Variants in LARGE1 observed in about 807,000 individuals in gnomAD.
The protein encoded by LARGE1 is LARGE xylosyl- and glucuronyltransferase 1, also known as xylosyl- and glucuronyltransferase LARGE1.
A neutral mutation model predicts 87.6 loss-of-function variants in LARGE1; 43 were observed. The observed-to-expected ratio is 0.49, with a 90% CI of 0.38 to 0.63. The LOEUF is 0.63. LARGE1 is among the 30% of genes least tolerant of loss of function. The pLI is 0.00. For missense variants in LARGE1, 802 were observed against 1,000.2 expected, an observed-to-expected ratio of 0.80 and a Z score of 2.67; for synonymous variants, 434 against 394.6, an observed-to-expected ratio of 1.10 and a Z score of -1.18.
At chr22:33,764,647 A>G (rs142076109) in intron 1 of LARGE1, among the ~76,000 whole-genome samples, 3,733 of 152,240 alleles carry the variant, frequency 0.025, 158 homozygotes, top group African/African-American at 0.084. Flanking sequence ...AATCCCAGCT[A>G]CTTGGGAGTC....
At chr22:33,172,667 A>G (rs1384573968) in intron 11 of LARGE1, among the ~76,000 whole-genome samples, 4 of 152,206 alleles carry the variant, frequency 2.6e-5, no homozygotes, top group Non-Finnish European at 4.4e-5. Flanking sequence ...GCTAAGTATC[A>G]TGTGATAAGA....
At chr22:33,430,348 A>G (rs1427776503) in intron 7 of LARGE1, among the ~76,000 whole-genome samples, 1 of 152,138 alleles carries the variant, frequency 6.6e-6, no homozygotes, top group Admixed American at 6.5e-5. Context: ...CTTACCCATT[A>G]TTGAAAAGAG....
chr22:33,162,953 T>C (rs923215816), exon 12 of LARGE1: 1 of 152,204 alleles, frequency 6.6e-6, no homozygotes, highest in African/African-American at 2.4e-5. Context: ...AAATTTCCTT[T>C]AGTGTTTGCT....
intron 1 of LARGE1, among the ~76,000 whole-genome samples, chr22:33,869,151 C>G (rs1014407072): frequency 2.0e-5 from 3 of 152,172 alleles, no homozygotes; most frequent in African/African-American, 4.8e-5. Flanking sequence ...TTCTGGCCCT[C>G]TCTTACCCTT....
At chr22:33,777,438 G>T (rs2085275910) in intron 1 of LARGE1, among the ~76,000 whole-genome samples, 1 of 152,098 alleles carries the variant, frequency 6.6e-6, no homozygotes, top group East Asian at 1.9e-4. Context: ...AGGAGTTCAA[G>T]ACCAGCCTGG....
At chr22:33,678,314 C>T (rs1292494933) in intron 2 of LARGE1, among the ~76,000 whole-genome samples, 3 of 152,160 alleles carry the variant, frequency 2.0e-5, no homozygotes, top group Non-Finnish European at 4.4e-5. Flanking sequence ...AACAATACCT[C>T]GAGCTGGGCC....
At chr22:33,610,784 C>T (rs1465178473) in intron 4 of LARGE1, among the ~76,000 whole-genome samples, 1 of 152,086 alleles carries the variant, frequency 6.6e-6, no homozygotes, top group Non-Finnish European at 1.5e-5. Flanking sequence ...CATTACAGGC[C>T]CAGAGGCCTA....
chr22:33,415,968 C>T (rs935671396), intron 7 of LARGE1, among the ~76,000 whole-genome samples: 1 of 152,318 alleles, frequency 6.6e-6, no homozygotes, highest in East Asian at 1.9e-4. Flanking sequence ...TGACAGGAGC[C>T]TCTTGTCCCA....
chr22:33,908,509 T>G, intron 1 of LARGE1, among the ~76,000 whole-genome samples: 1 of 131,744 alleles, frequency 7.6e-6, no homozygotes, highest in Non-Finnish European at 1.6e-5. Context: ...AAGAAGAAAA[T>G]GATTAAGTTA....
At chr22:33,511,143 T>C (rs1353430047) in intron 6 of LARGE1, among the ~76,000 whole-genome samples, 1 of 152,176 alleles carries the variant, frequency 6.6e-6, no homozygotes, top group Non-Finnish European at 1.5e-5. Flanking sequence ...TTTGGACAGA[T>C]GTTTCCACAT....
chr22:33,400,607 G>A (rs374845834), intron 7 of LARGE1, among the ~76,000 whole-genome samples: 22 of 152,358 alleles, frequency 1.4e-4, no homozygotes, highest in Middle Eastern at 3.4e-3. Flanking sequence ...CCAGAAGGGA[G>A]AGATGGCGTG....
At chr22:33,576,094 C>T (rs2078343667) in intron 5 of LARGE1, among the ~76,000 whole-genome samples, 1 of 152,166 alleles carries the variant, frequency 6.6e-6, no homozygotes. Flanking sequence ...GCATTAGCTG[C>T]TGCGTAGCCT....
chr22:33,325,637 T>G (rs117647878), intron 10 of LARGE1, among the ~76,000 whole-genome samples: 1 of 152,104 alleles, frequency 6.6e-6, no homozygotes, highest in Non-Finnish European at 1.5e-5. Flanking sequence ...TGAATGCTTG[T>G]AGCCTGTAAG....
chr22:33,080,669 A>G, the LARGE1 span, among the ~76,000 whole-genome samples: 1 of 152,210 alleles, frequency 6.6e-6, no homozygotes, highest in African/African-American at 2.4e-5. Context: ...AATTATTAGC[A>G]GCATTTTGCA....
chr22:33,827,509 T>C (rs1410141356), intron 1 of LARGE1, among the ~76,000 whole-genome samples: 1 of 152,086 alleles, frequency 6.6e-6, no homozygotes, highest in African/African-American at 2.4e-5. Context: ...TAATGTACAT[T>C]TAAAAAGCAA....
the LARGE1 span, among the ~76,000 whole-genome samples, chr22:33,079,030 G>A: frequency 6.6e-6 from 1 of 152,152 alleles, no homozygotes; most frequent in African/African-American, 2.4e-5. Context: ...GCCTGGGCTT[G>A]AACCTGGCTC....
chr22:33,411,787 AT>A (rs1173487325), intron 7 of LARGE1, among the ~76,000 whole-genome samples: 2 of 152,252 alleles, frequency 1.3e-5, no homozygotes, highest in Admixed American at 1.3e-4. Flanking sequence ...CCTCCATCAA[AT>A]GGCAAAACTA....
At chr22:33,144,603 A>T in the LARGE1 span, among the ~76,000 whole-genome samples, 2 of 152,184 alleles carry the variant, frequency 1.3e-5, no homozygotes, top group Admixed American at 6.5e-5. Context: ...AGTGAGAATG[A>T]TGCAACCATA....
At chr22:33,837,371 C>T (rs536223143) in intron 1 of LARGE1, among the ~76,000 whole-genome samples, 2 of 151,710 alleles carry the variant, frequency 1.3e-5, no homozygotes, top group East Asian at 1.9e-4. Flanking sequence ...TTTATATATA[C>T]ATGTGTGTAT....
Sources: gnomAD v4.1 joint callset for allele counts (sites outside exome capture counted in the v4.1 genomes callset) on GRCh38, gnomAD v4.1.1 for gene constraint, MANE v1.5 for transcripts, NCBI Gene and HGNC (gene_info 2026-07-23, HGNC 2026-07-21) for gene names.